Variants in KCNH5 observed in about 807,000 individuals in gnomAD.
KCNH5 encodes potassium voltage-gated channel subfamily H member 5.
KCNH5 carries 46 observed loss-of-function variants against 96.1 expected under a neutral mutation model. The ratio of observed to expected loss-of-function variants is 0.48; its 90% CI spans 0.38 to 0.61. The LOEUF (loss-of-function observed/expected upper bound fraction) is 0.61, where lower values mean the gene tolerates loss of function less well. Among genes scored for constraint, KCNH5 ranks in the 20% least tolerant of loss-of-function variants. The pLI, the probability that KCNH5 is intolerant of heterozygous loss-of-function variation, is 0.00. For missense variants in KCNH5, 907 were observed against 1,225.8 expected, an observed-to-expected ratio of 0.74 and a Z score of 3.88; for synonymous variants, 439 against 449.8, an observed-to-expected ratio of 0.98 and a Z score of 0.30.
intron 2 of KCNH5, among the ~76,000 whole-genome samples, chr14:63,008,696 T>C (rs541665282): frequency 2.6e-5 from 4 of 152,192 alleles, no homozygotes; most frequent in African/African-American, 9.6e-5. Context: ...TCCATAATCT[T>C]ATATCTAGAC....
At chr14:62,776,940 C>A (rs1219561866) in intron 10 of KCNH5, among the ~76,000 whole-genome samples, 2 of 152,182 alleles carry the variant, frequency 1.3e-5, no homozygotes, top group African/African-American at 4.8e-5. Context: ...CAGAACTGTA[C>A]CATGCCATGG....
chr14:63,038,007 C>A (rs769789551), intron 1 of KCNH5, among the ~76,000 whole-genome samples: 66 of 152,210 alleles, frequency 4.3e-4, no homozygotes, highest in Non-Finnish European at 7.9e-4. Flanking sequence ...AGCCGCACCT[C>A]AATTTGGAAT....
intron 8 of KCNH5, among the ~76,000 whole-genome samples, chr14:62,804,339 A>T (rs946096607): frequency 6.6e-6 from 1 of 152,192 alleles, no homozygotes; most frequent in Non-Finnish European, 1.5e-5. Flanking sequence ...TATTTTCTAT[A>T]AGGCAATGTT....
intron 8 of KCNH5, among the ~76,000 whole-genome samples, chr14:62,810,133 A>C (rs944799617): frequency 6.6e-6 from 1 of 152,114 alleles, no homozygotes; most frequent in Non-Finnish European, 1.5e-5. Context: ...TTACTGAATG[A>C]TTCCTTAAAC....
intron 10 of KCNH5, among the ~76,000 whole-genome samples, chr14:62,755,104 A>T (rs1483450157): frequency 6.6e-6 from 1 of 151,964 alleles, no homozygotes; most frequent in Admixed American, 6.6e-5. Flanking sequence ...AATAATAAAC[A>T]TCACAGCAGA....
intron 8 of KCNH5, among the ~76,000 whole-genome samples, chr14:62,845,343 T>G (rs1300768374): frequency 1.3e-5 from 2 of 152,210 alleles, no homozygotes; most frequent in African/African-American, 4.8e-5. Context: ...CAACCTTTCA[T>G]TTTATTTTTC....
chr14:62,855,991 T>A (rs1297210831), intron 7 of KCNH5, among the ~76,000 whole-genome samples: 1 of 152,188 alleles, frequency 6.6e-6, no homozygotes, highest in Admixed American at 6.5e-5. Context: ...AAACTATTCA[T>A]CCTTAATTCT....
chr14:62,987,333 G>T, intron 4 of KCNH5, 146 bp from the exon 5 acceptor site: 1 of 626,680 alleles, frequency 1.6e-6, no homozygotes, highest in Non-Finnish European at 2.8e-6. Flanking sequence ...CTTTCCTTCT[G>T]TATAGACATG....
chr14:62,730,340 C>A (rs753487902), intron 10 of KCNH5, among the ~76,000 whole-genome samples: 10 of 152,148 alleles, frequency 6.6e-5, no homozygotes, highest in Non-Finnish European at 8.8e-5. Context: ...GTAGCTGCTA[C>A]AGCATATTTA....
At chr14:62,744,769 G>T (rs370594354) in intron 10 of KCNH5, among the ~76,000 whole-genome samples, 2 of 152,108 alleles carry the variant, frequency 1.3e-5, no homozygotes, top group Non-Finnish European at 2.9e-5. Context: ...TCACCAAACC[G>T]ATCATTCAGA....
At chr14:62,988,058 T>C (rs971304523) in intron 4 of KCNH5, among the ~76,000 whole-genome samples, 2 of 152,086 alleles carry the variant, frequency 1.3e-5, no homozygotes, top group African/African-American at 4.8e-5. Flanking sequence ...CAGTGACTTT[T>C]GGGGGAAAGA....
At chr14:62,957,639 T>C (rs943100415) in intron 6 of KCNH5, among the ~76,000 whole-genome samples, 1 of 152,232 alleles carries the variant, frequency 6.6e-6, no homozygotes, top group African/African-American at 2.4e-5. Flanking sequence ...TATAAATGAC[T>C]GCAGCAGATC....
rs917847251 is a variant in KCNH5, at chr14:62,705,108, C to T, written c.*2400G>A. ...CTAACAATCTGGAGTAATTCAAAAC[C>T]ATTATGTTTCTCACATATATGAACA... On this transcript the variant is annotated 3_prime_UTR_variant, in exon 11 of 11. Transcript: ENST00000322893. The T allele has an allele frequency of 6.6e-6, 1 of 151,936 alleles. No homozygotes were observed. The highest frequency in any genetic ancestry group is 1.5e-5 in the Non-Finnish European group (1 of 67,848). 9.4% of individuals were successfully genotyped at this position (151,936 alleles called of 1,614,324 possible).
At chr14:62,750,426 T>C (rs1885473130) in intron 10 of KCNH5, among the ~76,000 whole-genome samples, 1 of 152,236 alleles carries the variant, frequency 6.6e-6, no homozygotes, top group South Asian at 2.1e-4. Context: ...TAGCCCATTC[T>C]TGTTCCTCTT....
intron 10 of KCNH5, among the ~76,000 whole-genome samples, chr14:62,738,404 C>T (rs140137026): frequency 5.9e-4 from 90 of 152,216 alleles, no homozygotes; most frequent in Middle Eastern, 3.4e-3. Context: ...CAACCGAATT[C>T]GAAAGAACTC....
chr14:62,982,777 T>C (rs1389690675), intron 5 of KCNH5, among the ~76,000 whole-genome samples: 1 of 152,208 alleles, frequency 6.6e-6, no homozygotes, highest in Non-Finnish European at 1.5e-5. Context: ...GTCCCTTTAA[T>C]TGTATGTTAG....
At chr14:62,990,807 G>T (rs1386529241) in intron 4 of KCNH5, among the ~76,000 whole-genome samples, 1 of 152,082 alleles carries the variant, frequency 6.6e-6, no homozygotes, top group Non-Finnish European at 1.5e-5. Context: ...GTTACACATG[G>T]CTGGAGAGGC....
intron 8 of KCNH5, among the ~76,000 whole-genome samples, chr14:62,818,117 G>GT (rs1463581271): frequency 8.7e-6 from 1 of 115,402 alleles, no homozygotes; most frequent in African/African-American, 3.0e-5. Context: ...GGCGGGGGGG[G>GT]GGTGGAAGAA....
chr14:63,003,534 TTATATATTATATATAG>T (rs1434367478), intron 3 of KCNH5, among the ~76,000 whole-genome samples: 1 of 114,808 alleles, frequency 8.7e-6, no homozygotes, highest in Admixed American at 9.2e-5. Flanking sequence ...TTTATATATA[TTATATATTATATATAG>T]TATATATTAT....
Sources: allele counts gnomAD v4.1 joint callset (sites outside exome capture counted in the v4.1 genomes callset), GRCh38; gene constraint gnomAD v4.1.1; transcripts MANE v1.5; gene names NCBI Gene and HGNC (gene_info 2026-07-23, HGNC 2026-07-21).